ALDH1A2: variants seen among roughly 807,000 people sequenced by gnomAD.
ALDH1A2 encodes the protein retinal dehydrogenase 2.
In ALDH1A2, 27 loss-of-function variants were observed where a neutral mutation model predicts 60.3. The ratio of observed to expected loss-of-function variants is 0.45; its 90% confidence interval spans 0.33 to 0.62. ALDH1A2 has a LOEUF of 0.62. ALDH1A2 is among the 20% of genes least tolerant of loss of function. The pLI, the probability that ALDH1A2 is intolerant of heterozygous loss-of-function variation, is 0.02. For synonymous variants in ALDH1A2, 289 were observed against 232.4 expected (o/e 1.24, Z -2.21); for missense variants, 581 against 643.8 (o/e 0.90, Z 1.06).
intron 4 of ALDH1A2, among the ~76,000 whole-genome samples, chr15:58,005,279 C>T (rs192172936): frequency 1.3e-5 from 2 of 152,100 alleles, no homozygotes; most frequent in Admixed American, 6.6e-5. Context: ...GATGTCTCTC[C>T]TATGGTGTCC....
chr15:58,005,866 C>T (rs919832205), intron 4 of ALDH1A2, among the ~76,000 whole-genome samples: 1 of 151,906 alleles, frequency 6.6e-6, no homozygotes, highest in East Asian at 1.9e-4. Context: ...TTCATAAATG[C>T]TATCTTGAGA....
At chr15:57,979,120 T>C (rs752591808) in intron 7 of ALDH1A2, among the ~76,000 whole-genome samples, 1 of 152,008 alleles carries the variant, frequency 6.6e-6, no homozygotes, top group Non-Finnish European at 1.5e-5. Context: ...AGGCCTCACT[T>C]TCCCCACTGG....
chr15:58,027,095 C>T (rs1189689750), intron 1 of ALDH1A2, among the ~76,000 whole-genome samples: 4 of 152,170 alleles, frequency 2.6e-5, no homozygotes, highest in Non-Finnish European at 5.9e-5. Context: ...CTGACACCCA[C>T]TGTAGGCTGA....
At position 58,014,589 on chromosome 15, in the gene ALDH1A2, T is replaced by A. The variant is rs186951126; in HGVS notation, c.118-308A>T. 1.2e-3 allele frequency: 577 copies of A among 471,798 alleles called. 3 individuals carry two copies. The highest frequency in any genetic ancestry group is 0.011 in the African/African-American group (539 of 50,790). The allele number at this position is 471,798 out of a possible 1,614,324, so 29.2% of individuals were successfully genotyped here. A position where few individuals can be genotyped will look rare whatever the true frequency, so the allele number is the denominator to read the frequency against. On this transcript the variant is annotated intron_variant, in intron 1 of 12. Transcript: ENST00000249750. The stretch of plus-strand genomic sequence containing the variant: ...TCATACACTGATGCTAAGGCAAGAG[T>A]TATCGATAGCCCAAGCTCTGGCTAG...
At chr15:57,958,146 A>G (rs189155801) in intron 12 of ALDH1A2, among the ~76,000 whole-genome samples, 1 of 152,334 alleles carries the variant, frequency 6.6e-6, no homozygotes, top group South Asian at 2.1e-4. Flanking sequence ...GTCCCTAGAT[A>G]CGCATGCTTA....
intron 4 of ALDH1A2, among the ~76,000 whole-genome samples, chr15:57,995,599 A>G (rs35877215): frequency 8.5e-4 from 130 of 152,258 alleles, no homozygotes; most frequent in African/African-American, 3.0e-3. Context: ...AACTGGAAAA[A>G]GTGAGGAGTA....
At chr15:57,994,994 C>T (rs1412077807) in intron 5 of ALDH1A2, 84 bp downstream of exon 5, 4 of 1,306,920 alleles carry the variant, frequency 3.1e-6, no homozygotes, top group East Asian at 2.3e-5. Flanking sequence ...GGAAAACACA[C>T]ATCGCTGAGG....
chr15:58,017,219 C>A (rs1257933418), intron 1 of ALDH1A2, among the ~76,000 whole-genome samples: 1 of 152,132 alleles, frequency 6.6e-6, no homozygotes, highest in African/African-American at 2.4e-5. Context: ...GTATTTTGCA[C>A]AAGAACCTGG....
chr15:57,980,712 G>A (rs562888861), intron 7 of ALDH1A2: 9 of 160,876 alleles, frequency 5.6e-5, no homozygotes, highest in Admixed American at 3.9e-4. Flanking sequence ...TGTGCTGCTG[G>A]ATTGTTCATC....
chr15:58,056,193 G>A (rs1019762887), intron 1 of ALDH1A2, among the ~76,000 whole-genome samples: 1 of 152,038 alleles, frequency 6.6e-6, no homozygotes, highest in Non-Finnish European at 1.5e-5. Flanking sequence ...CCGCCTAGAG[G>A]TAAGTTTGTG....
At chr15:58,059,769 C>G (rs749207368) in intron 1 of ALDH1A2, among the ~76,000 whole-genome samples, 4 of 152,080 alleles carry the variant, frequency 2.6e-5, no homozygotes, top group Admixed American at 2.6e-4. Flanking sequence ...AAAACCCTCC[C>G]AGGAATCCCA....
intron 1 of ALDH1A2, among the ~76,000 whole-genome samples, chr15:58,048,819 A>C (rs909565897): frequency 9.2e-5 from 14 of 152,014 alleles, no homozygotes; most frequent in African/African-American, 3.4e-4. Flanking sequence ...TAAATGTTTA[A>C]AATCTTAATA....
At chr15:58,006,108 TTTTGGTGCATCTGTCACCTGGG>T (rs1354154902) in intron 4 of ALDH1A2, among the ~76,000 whole-genome samples, 3 of 151,854 alleles carry the variant, frequency 2.0e-5, no homozygotes, top group African/African-American at 2.4e-5. Context: ...GTTTCCAAGA[TTTTGGTGCATCTGTCACCTGGG>T]TAGTGTACAC....
intron 4 of ALDH1A2, among the ~76,000 whole-genome samples, chr15:58,004,733 A>ATG: frequency 6.8e-6 from 1 of 147,600 alleles, no homozygotes; most frequent in East Asian, 2.0e-4. Context: ...ATATATACAT[A>ATG]TATATATATA....
chr15:57,960,054 C>G (rs1893669999), intron 12 of ALDH1A2, among the ~76,000 whole-genome samples: 1 of 152,184 alleles, frequency 6.6e-6, no homozygotes, highest in African/African-American at 2.4e-5. Context: ...CAGATCATAT[C>G]TAAAGGTTTC....
intron 1 of ALDH1A2, among the ~76,000 whole-genome samples, chr15:58,022,832 A>G (rs1237145641): frequency 2.0e-5 from 3 of 152,170 alleles, no homozygotes; most frequent in African/African-American, 7.2e-5. Context: ...CATCCAACCA[A>G]CACCATATAT....
chr15:58,031,071 C>T lies in ALDH1A2; in HGVS notation c.118-16790G>A, dbSNP rs8030115. Among the ~76,000 whole-genome samples, 951 of 152,242 alleles carry T rather than the reference C, an allele frequency of 6.2e-3. 15 individuals are homozygous for T. Among genetic ancestry groups the T allele is most frequent in the African/African-American group, 0.022 (900 of 41,532 alleles). Reference sequence around the variant, plus strand: ...CAAAAAAGAGCCCGCAAAGCCACTACGATCCTAAGCAAAAAGAACAAAGCT... The same window carrying T: ...CAAAAAAGAGCCCGCAAAGCCACTATGATCCTAAGCAAAAAGAACAAAGCT... On this transcript the variant is annotated intron_variant, in intron 1 of 12. Coordinates refer to ENST00000249750, the MANE Select transcript of ALDH1A2 (RefSeq NM_003888.4).
At chr15:57,975,815 G>A (rs773888337) in intron 7 of ALDH1A2, among the ~76,000 whole-genome samples, 1 of 151,982 alleles carries the variant, frequency 6.6e-6, no homozygotes, top group East Asian at 1.9e-4. Flanking sequence ...GGGAATGTGG[G>A]GGTGGGGGTG....
chr15:58,044,139 T>C (rs1182578156), intron 1 of ALDH1A2, among the ~76,000 whole-genome samples: 1 of 152,040 alleles, frequency 6.6e-6, no homozygotes, highest in Non-Finnish European at 1.5e-5. Flanking sequence ...GCTGCATCTC[T>C]ATCATGATGC....
Sources: gnomAD v4.1 joint callset for allele counts (sites outside exome capture counted in the v4.1 genomes callset) on GRCh38, gnomAD v4.1.1 for gene constraint, MANE v1.5 for transcripts, NCBI Gene and HGNC (gene_info 2026-07-23, HGNC 2026-07-21) for gene names.